Variants in PDE2A observed in about 807,000 individuals in gnomAD.
PDE2A encodes phosphodiesterase 2A, also known as cGMP-dependent 3',5'-cyclic phosphodiesterase.
Under a neutral mutation model 133.6 loss-of-function variants are expected in PDE2A, and 53 were observed. That is an observed-to-expected ratio of 0.40 (90% CI 0.32 to 0.50). The LOEUF (loss-of-function observed/expected upper bound fraction) is 0.50, where lower values mean the gene tolerates loss of function less well. PDE2A is among the 20% of genes least tolerant of loss of function. The pLI is 0.73. For synonymous variants in PDE2A, 491 were observed against 490.2 expected (o/e 1.00, Z -0.02); for missense variants, 796 against 1,232.4 (o/e 0.65, Z 5.30).
chr11:72,669,897 G>A (rs989420730), intron 1 of PDE2A, among the ~76,000 whole-genome samples: 3 of 152,114 alleles, frequency 2.0e-5, no homozygotes, highest in African/African-American at 4.8e-5. Context: ...CTCTGGTCAC[G>A]AGCACCAGGA....
At chr11:72,591,113 C>T (rs1856230093) in intron 7 of PDE2A, 184 bp downstream of exon 7, 1 of 640,994 alleles carries the variant, frequency 1.6e-6, no homozygotes, top group Non-Finnish European at 2.8e-6. Context: ...CTATCATTAT[C>T]CCCATTTTCA....
At chr11:72,580,126 CCTCTGGAGGGGTGTTGTGGGA>C (rs1855655861) in intron 25 of PDE2A, among the ~76,000 whole-genome samples, 1 of 152,034 alleles carries the variant, frequency 6.6e-6, no homozygotes, top group African/African-American at 2.4e-5. Context: ...GCAGGGGCAG[CCTCTGGAGGGGTGTTGTGGGA>C]AGTAGCATGA....
intron 2 of PDE2A, among the ~76,000 whole-genome samples, chr11:72,629,117 G>C (rs529100276): frequency 6.6e-6 from 1 of 152,378 alleles, no homozygotes; most frequent in Admixed American, 6.5e-5. Context: ...TCCTCGGTCA[G>C]AGGGAAGAGG....
intron 1 of PDE2A, among the ~76,000 whole-genome samples, chr11:72,672,952 CCA>C (rs1324016975): frequency 6.6e-6 from 1 of 151,872 alleles, no homozygotes; most frequent in Non-Finnish European, 1.5e-5. Context: ...AAACAGCCAC[CCA>C]CACACACTCA....
At chr11:72,652,403 C>A in intron 1 of PDE2A, 1 of 431,984 alleles carries the variant, frequency 2.3e-6, no homozygotes, top group Non-Finnish European at 4.6e-6. Context: ...CATGACATGG[C>A]ACCCAGCTTG....
intron 13 of PDE2A, 59 bp from the exon 14 acceptor site, chr11:72,586,240 C>T: frequency 1.0e-6 from 1 of 985,054 alleles, no homozygotes; most frequent in South Asian, 1.4e-5. Flanking sequence ...TCTCCCCACT[C>T]TCCTTACTTC....
chr11:72,602,894 G>A (rs1164782834), intron 4 of PDE2A, among the ~76,000 whole-genome samples: 1 of 152,228 alleles, frequency 6.6e-6, no homozygotes, highest in African/African-American at 2.4e-5. Context: ...GCTCCTGAGA[G>A]CAGGGCCCAG....
chr11:72,593,038 T>A (rs1856321438), intron 6 of PDE2A, among the ~76,000 whole-genome samples: 1 of 152,036 alleles, frequency 6.6e-6, no homozygotes, highest in African/African-American at 2.4e-5. Flanking sequence ...GGGACCCCTC[T>A]AAGGCTGTGG....
In PDE2A at chr11:72,578,298, C is replaced by A. The variant is rs770960472; in HGVS notation, c.2550G>T (p.Arg850=). ...MGNRPMEMMD[R]EKAYIPELQI... is the part of the protein sequence containing the mutation. The stretch of plus-strand genomic sequence containing the variant: ...GCAGCTCAGGGATATAGGCCTTCTC[C>A]CGGTCCATCATCTCCATCGGCCTGT... The change falls in exon 30 of 31, where the codon CGG becomes CGT. Residue 850 remains arginine, a synonymous_variant. Coordinates refer to ENST00000334456, the MANE Select transcript of PDE2A (RefSeq NM_002599.5). This position sits in a 1 kb window ranked among gnomAD's most constrained non-coding sequence, Gnocchi z 4.2. 19 of 1,613,870 alleles carry A rather than the reference C, an allele frequency of 1.2e-5. No individual in the cohort carries two copies. Among genetic ancestry groups the A allele is most frequent in the Non-Finnish European group, 1.5e-5 (18 of 1,179,956 alleles).
At chr11:72,661,587 G>T (rs73529624) in intron 1 of PDE2A, among the ~76,000 whole-genome samples, 9,862 of 152,268 alleles carry the variant, frequency 0.065, 699 homozygotes, top group African/African-American at 0.18. Flanking sequence ...CCCCTATCAA[G>T]GAGGCAGAAG....
At chr11:72,579,500 C>T (rs1338729503) in intron 26 of PDE2A, 34 bp downstream of exon 26, 1 of 1,570,912 alleles carries the variant, frequency 6.4e-7, no homozygotes, top group South Asian at 1.2e-5. Flanking sequence ...TCCCAGCTCC[C>T]CCTCAATCCC....
intron 2 of PDE2A, among the ~76,000 whole-genome samples, chr11:72,612,567 G>T (rs938567448): frequency 1.3e-5 from 2 of 152,042 alleles, no homozygotes; most frequent in Non-Finnish European, 2.9e-5. Flanking sequence ...CTAAAAAATG[G>T]ATCTTTCTAG....
chr11:72,605,420 C>T (rs1421305557), intron 3 of PDE2A, among the ~76,000 whole-genome samples, 194 bp from the exon 4 acceptor site: 2 of 152,310 alleles, frequency 1.3e-5, no homozygotes, highest in African/African-American at 2.4e-5. Flanking sequence ...GAACTAAGCA[C>T]CTCGTCCTCT....
chr11:72,674,223 G>C lies in PDE2A; in HGVS notation c.-16C>G. The C allele has an allele frequency of 6.2e-7, 1 of 1,603,492 alleles. No individual in the cohort carries two copies. ...CCTGCCCCATCACTCCTCATCGTCC[G>C]CCTCCCCAGCCAGACTAAGGTGGCA... On this transcript the variant is annotated 5_prime_UTR_variant, in exon 1 of 31. Coordinates refer to ENST00000334456, the MANE Select transcript of PDE2A (RefSeq NM_002599.5).
chr11:72,577,408 G>A lies in PDE2A; in HGVS notation c.2802C>T (p.Gly934=), dbSNP rs866135863. ...ATCACTCAGCATCAAGGCTGCAGCA[G>A]CCATTGATGGGGGCCCTAGTGCCAT... The part of the protein sequence containing the change: ...DLDGTRAPIN[G]CCSLDAE The change falls in exon 31 of 31, where the codon GGC becomes GGT. Residue 934 remains glycine (G), a synonymous_variant. Transcript: ENST00000334456. The A allele has an allele frequency of 3.1e-6, 5 of 1,613,626 alleles. No homozygotes were observed. In the Middle Eastern group the frequency reaches 4.9e-4, roughly 160 times the overall value.
chr11:72,624,928 C>T (rs1857982358), intron 2 of PDE2A, among the ~76,000 whole-genome samples: 1 of 152,226 alleles, frequency 6.6e-6, no homozygotes, highest in Non-Finnish European at 1.5e-5. Context: ...GCCCCCTGTC[C>T]CACAGTGTCT....
At chr11:72,668,933 C>G in intron 1 of PDE2A, 2 of 1,014,908 alleles carry the variant, frequency 2.0e-6, no homozygotes, top group South Asian at 8.0e-5. Flanking sequence ...TAGCTCTGGT[C>G]TCTCCCTCTC....
intron 1 of PDE2A, among the ~76,000 whole-genome samples, chr11:72,646,557 A>T (rs1437424556): frequency 1.3e-5 from 2 of 152,172 alleles, no homozygotes; most frequent in South Asian, 2.1e-4. Flanking sequence ...GACCCCCCAA[A>T]GCCAGGGCAG....
In PDE2A at chr11:72,578,436, C is replaced by G. The variant is rs778320617; in HGVS notation, c.2508+40G>C. 6.3e-7 allele frequency: 1 copy of G among 1,597,100 alleles called. No individual in the cohort carries two copies. The highest frequency in any genetic ancestry group is 8.6e-7 in the Non-Finnish European group (1 of 1,164,498). ...CCCTCCCTGTCCCAGGCCAGGAACC[C>G]TCCCCCATCCTGGACATCCTGGGGT... is the stretch of plus-strand genomic sequence containing the variant. On this transcript the variant is annotated intron_variant, in intron 29 of 30. Coordinates refer to ENST00000334456, the MANE Select transcript of PDE2A (RefSeq NM_002599.5). The surrounding 1 kb of genome is among the most constrained non-coding windows in gnomAD (Gnocchi z 4.2).
Sources: allele counts gnomAD v4.1 joint callset (sites outside exome capture counted in the v4.1 genomes callset), GRCh38; gene constraint gnomAD v4.1.1; non-coding constraint Gnocchi (gnomAD v3.1); transcripts MANE v1.5; gene names NCBI Gene and HGNC (gene_info 2026-07-23, HGNC 2026-07-21).